CSMD1: variants seen among roughly 807,000 people sequenced by gnomAD.
CSMD1 encodes CUB and sushi domain-containing protein 1.
A neutral mutation model predicts 417.5 loss-of-function variants in CSMD1; 213 were observed. The ratio of observed to expected loss-of-function variants is 0.51; its 90% CI spans 0.46 to 0.57. The LOEUF is 0.57. Among genes scored for constraint, CSMD1 ranks in the 20% least tolerant of loss-of-function variants. CSMD1 has a pLI of 0.00. For synonymous variants in CSMD1, 2,862 were observed against 1,736.8 expected, an observed-to-expected ratio of 1.65 and a Z score of -16.11; for missense variants, 6,923 against 4,529.7, an observed-to-expected ratio of 1.53 and a Z score of -15.17.
chr8:4,807,397 C>T (rs1404191582), intron 1 of CSMD1, among the ~76,000 whole-genome samples: 5 of 152,134 alleles, frequency 3.3e-5, no homozygotes, highest in Admixed American at 6.5e-5. Flanking sequence ...GGGTGGGAAA[C>T]GTGCTCCAGG....
At chr8:3,661,725 G>C (rs2623628) in intron 7 of CSMD1, among the ~76,000 whole-genome samples, 66,730 of 151,568 alleles carry the variant, frequency 0.44, 15,359 homozygotes, top group African/African-American at 0.59. Context: ...TCGAACTCCT[G>C]ACCTCAAGTG....
At chr8:3,308,173 A>T (rs1457669316) in intron 24 of CSMD1, 139 bp downstream of exon 24, 8 of 685,132 alleles carry the variant, frequency 1.2e-5, no homozygotes, top group Non-Finnish European at 1.9e-5. Context: ...GACACGTGCA[A>T]ATCTCAGAAT....
In CSMD1 at chr8:3,343,220, CTT is replaced by C; in HGVS notation, c.3631+72_3631+73del. On this transcript the variant is annotated intron_variant, in intron 23 of 69. Coordinates refer to ENST00000635120, the MANE Select transcript of CSMD1 (RefSeq NM_033225.6). The stretch of plus-strand genomic sequence containing the variant: ...GCCAGAAAAAAATCAATATTTAAAA[CTT>C]AATATAAGCCAAGTATCAGATATGT... The C allele has an allele frequency of 4.5e-6, 6 of 1,331,722 alleles. No individual in the cohort carries two copies. The South Asian group carries it at 7.7e-5, about 17-fold the overall frequency. The allele number at this position is 1,331,722 out of a possible 1,614,324, so 82.5% of individuals were successfully genotyped here.
In CSMD1 at chr8:3,253,670, C is replaced by G. The variant is rs575429976; in HGVS notation, c.4154-23439G>C. Among the ~76,000 whole-genome samples, 757 of 152,216 alleles carry G rather than the reference C, an allele frequency of 5.0e-3. 12 individuals are homozygous for G. Among genetic ancestry groups the G allele is most frequent in the African/African-American group, 0.018 (732 of 41,524 alleles). On this transcript the variant is annotated intron_variant, in intron 26 of 69. Coordinates refer to ENST00000635120, the MANE Select transcript of CSMD1 (RefSeq NM_033225.6). ...TATTATTGTGTGGGAGTCTAAGTCT[C>G]TTTGTAGGTCTCTAAGGACTTGCTT... is the stretch of plus-strand genomic sequence containing the variant.
intron 2 of CSMD1, among the ~76,000 whole-genome samples, chr8:4,425,762 C>A (rs1281886625): frequency 6.6e-6 from 1 of 152,124 alleles, no homozygotes; most frequent in Non-Finnish European, 1.5e-5. Flanking sequence ...TCCCAATAAT[C>A]CACACAGGTG....
intron 25 of CSMD1, among the ~76,000 whole-genome samples, chr8:3,301,093 T>C (rs1804366846): frequency 1.3e-5 from 2 of 152,126 alleles, no homozygotes; most frequent in South Asian, 4.1e-4. Flanking sequence ...TTGCCATTGA[T>C]GTCTATAGGG....
intron 3 of CSMD1, among the ~76,000 whole-genome samples, chr8:4,242,806 C>T (rs886489891): frequency 2.0e-5 from 3 of 152,122 alleles, no homozygotes; most frequent in South Asian, 2.1e-4. Context: ...TTGGAGGAAA[C>T]CTTCATTCAC....
rs1018483697 is a variant in CSMD1, at chr8:4,140,856, C to T, written c.416-108757G>A. On this transcript the variant is annotated intron_variant, in intron 3 of 69. Transcript: ENST00000635120. ...CCAGGTTTCAAATCAAATCTCTGCCCAAGAGGGCATTTGGGAGATTGCTGA... is the reference window on the plus strand; with the variant it reads ...CCAGGTTTCAAATCAAATCTCTGCCTAAGAGGGCATTTGGGAGATTGCTGA... 3.3e-5 allele frequency among the ~76,000 whole-genome samples: 5 copies of T among 150,852 alleles called. 2 individuals carry two copies. Among genetic ancestry groups the T allele is most frequent in the African/African-American group, 1.2e-4 (5 of 40,234 alleles).
At chr8:4,773,382 A>G (rs1383123553) in intron 1 of CSMD1, among the ~76,000 whole-genome samples, 2 of 152,124 alleles carry the variant, frequency 1.3e-5, no homozygotes, top group African/African-American at 4.8e-5. Flanking sequence ...CTGACCAGAA[A>G]ATCCCAATAG....
intron 3 of CSMD1, among the ~76,000 whole-genome samples, chr8:4,154,075 G>A (rs1796704588): frequency 6.6e-6 from 1 of 152,126 alleles, no homozygotes; most frequent in African/African-American, 2.4e-5. Context: ...AAATAAATTG[G>A]AAGAAACACT....
At chr8:4,194,852 CT>C (rs1189537519) in intron 3 of CSMD1, among the ~76,000 whole-genome samples, 1 of 152,054 alleles carries the variant, frequency 6.6e-6, no homozygotes, top group Non-Finnish European at 1.5e-5. Context: ...GGATCTCCCA[CT>C]GTATTATACC....
intron 3 of CSMD1, among the ~76,000 whole-genome samples, chr8:4,067,785 T>C (rs1799329262): frequency 6.6e-6 from 1 of 152,080 alleles, no homozygotes; most frequent in African/African-American, 2.4e-5. Context: ...GTAAACAGAA[T>C]TACTAAAATG....
At chr8:4,110,385 A>T (rs1447877958) in intron 3 of CSMD1, among the ~76,000 whole-genome samples, 1 of 152,160 alleles carries the variant, frequency 6.6e-6, no homozygotes, top group Non-Finnish European at 1.5e-5. Context: ...GGGAAAAGTC[A>T]GCCAGCAGAA....
intron 6 of CSMD1, among the ~76,000 whole-genome samples, chr8:3,739,698 G>A (rs1796695884): frequency 1.3e-5 from 2 of 152,080 alleles, no homozygotes; most frequent in Non-Finnish European, 2.9e-5. Flanking sequence ...GTACCACATG[G>A]CATAATGGGT....
intron 1 of CSMD1, among the ~76,000 whole-genome samples, chr8:4,784,320 G>C (rs938525704): frequency 9.9e-5 from 15 of 152,188 alleles, no homozygotes; most frequent in African/African-American, 3.4e-4. Flanking sequence ...AAATAGAAAA[G>C]CGTGTAGCAT....
At chr8:4,297,516 C>T (rs1345999087) in intron 3 of CSMD1, among the ~76,000 whole-genome samples, 5 of 152,124 alleles carry the variant, frequency 3.3e-5, no homozygotes, top group African/African-American at 9.7e-5. Flanking sequence ...ATTTTTGCTT[C>T]TATAGCTGTT....
chr8:3,609,265 C>A (rs1203172962), intron 8 of CSMD1, among the ~76,000 whole-genome samples: 1 of 152,120 alleles, frequency 6.6e-6, no homozygotes, highest in African/African-American at 2.4e-5. Context: ...ATGACAGTAC[C>A]CACCCATAAA....
At chr8:4,416,226 A>G (rs557723603) in intron 3 of CSMD1, among the ~76,000 whole-genome samples, 7 of 152,310 alleles carry the variant, frequency 4.6e-5, no homozygotes, top group South Asian at 2.1e-4. Context: ...CTATCCAAAG[A>G]AAGGTTGGAT....
chr8:3,154,263 G>A (rs562429937), intron 39 of CSMD1, among the ~76,000 whole-genome samples: 5 of 152,202 alleles, frequency 3.3e-5, no homozygotes, highest in Non-Finnish European at 7.3e-5. Context: ...CTGAGCCACT[G>A]TGCCCAGCCC....
Sources: allele counts gnomAD v4.1 joint callset (sites outside exome capture counted in the v4.1 genomes callset), GRCh38; gene constraint gnomAD v4.1.1; transcripts MANE v1.5; gene names NCBI Gene and HGNC (gene_info 2026-07-23, HGNC 2026-07-21).